PTK2: variants seen among roughly 807,000 people sequenced by gnomAD.
PTK2 encodes the protein protein tyrosine kinase 2.
Under a neutral mutation model 150.1 loss-of-function variants are expected in PTK2, and 45 were observed. The ratio of observed to expected loss-of-function variants is 0.30; its 90% CI spans 0.24 to 0.38. PTK2 has a LOEUF of 0.38. Among genes scored for constraint, PTK2 ranks in the 10% least tolerant of loss-of-function variants. The pLI, the probability that PTK2 is intolerant of heterozygous loss-of-function variation, is 1.00. For missense variants in PTK2, 919 were observed against 1,307.3 expected, an observed-to-expected ratio of 0.70 and a Z score of 4.58; for synonymous variants, 432 against 449.2, an observed-to-expected ratio of 0.96 and a Z score of 0.48.
chr8:140,890,217 C>T (rs1271160541), intron 3 of PTK2: 1 of 232,962 alleles, frequency 4.3e-6, no homozygotes, highest in East Asian at 9.7e-5. Flanking sequence ...TATTTCATGA[C>T]TGTTAGAGGC....
chr8:140,911,430 T>C (rs2100163118), intron 2 of PTK2, among the ~76,000 whole-genome samples: 1 of 152,154 alleles, frequency 6.6e-6, no homozygotes, highest in African/African-American at 2.4e-5. Flanking sequence ...GTTTAATGTT[T>C]TCTGCTGATG....
intron 28 of PTK2, 131 bp from the exon 32 acceptor site, chr8:140,674,535 T>C (rs2100012450): frequency 1.3e-6 from 1 of 742,478 alleles, no homozygotes; most frequent in Non-Finnish European, 2.3e-6. Context: ...AGGTCAGGAA[T>C]TCGAGATCAG....
intron 1 of PTK2, among the ~76,000 whole-genome samples, chr8:140,980,128 T>G (rs1028922539): frequency 1.3e-5 from 2 of 152,202 alleles, no homozygotes; most frequent in Non-Finnish European, 2.9e-5. Context: ...ATAAGAGTGT[T>G]CACATTTGTG....
At chr8:140,695,037 T>A (rs1039605395) in intron 26 of PTK2, among the ~76,000 whole-genome samples, 2 of 152,224 alleles carry the variant, frequency 1.3e-5, no homozygotes, top group African/African-American at 4.8e-5. Flanking sequence ...TCCTCTGGGC[T>A]CTATGCCCTA....
chr8:140,888,560 CTT>C (rs933629554), intron 3 of PTK2, among the ~76,000 whole-genome samples: 1 of 152,186 alleles, frequency 6.6e-6, no homozygotes, highest in Non-Finnish European at 1.5e-5. Flanking sequence ...GTTCTGATAA[CTT>C]ATACATTTGT....
At chr8:140,795,929 T>C (rs1237848985) in intron 12 of PTK2, among the ~76,000 whole-genome samples, 1 of 152,232 alleles carries the variant, frequency 6.6e-6, no homozygotes, top group Non-Finnish European at 1.5e-5. Flanking sequence ...TCAAGTTCTA[T>C]TTCCGGCAGA....
chr8:140,864,073 G>A (rs1413247421), intron 5 of PTK2, among the ~76,000 whole-genome samples: 1 of 152,148 alleles, frequency 6.6e-6, no homozygotes, highest in Non-Finnish European at 1.5e-5. Context: ...AGAAATGATT[G>A]TAGACCTACT....
chr8:140,663,164 C>T (rs2083277752), intron 31 of PTK2: 1 of 161,004 alleles, frequency 6.2e-6, no homozygotes, highest in South Asian at 2.0e-4. Context: ...AAATGGAAAT[C>T]TTAAAGGGGA....
chr8:140,723,906 G>C (rs1316991447), intron 22 of PTK2, among the ~76,000 whole-genome samples: 1 of 152,184 alleles, frequency 6.6e-6, no homozygotes, highest in African/African-American at 2.4e-5. Flanking sequence ...TCATTGAAGT[G>C]ATCAGTTCAC....
chr8:140,665,049 T>G (rs1034197424), intron 30 of PTK2, 52 bp from the exon 35 acceptor site: 2 of 1,481,118 alleles, frequency 1.4e-6, no homozygotes, highest in African/African-American at 1.4e-5. Context: ...AGGATTTTTA[T>G]GCTTTTCAGT....
chr8:140,907,956 G>A (rs189789948), intron 2 of PTK2, among the ~76,000 whole-genome samples: 2 of 152,136 alleles, frequency 1.3e-5, no homozygotes, highest in Admixed American at 6.5e-5. Flanking sequence ...CAAGTGAAAC[G>A]AACAGTCCCA....
At chr8:140,787,243 T>C (rs1352088681) in intron 14 of PTK2, among the ~76,000 whole-genome samples, 1 of 152,126 alleles carries the variant, frequency 6.6e-6, no homozygotes, top group African/African-American at 2.4e-5. Flanking sequence ...AGCCAGACAT[T>C]AGAGTTTGAA....
At chr8:140,973,935 A>G (rs1017224770) in intron 1 of PTK2, among the ~76,000 whole-genome samples, 1 of 152,208 alleles carries the variant, frequency 6.6e-6, no homozygotes, top group African/African-American at 2.4e-5. Context: ...TGCCTTTAAT[A>G]GAAGTCACAA....
chr8:140,850,357 C>T (rs561790047), intron 5 of PTK2, among the ~76,000 whole-genome samples: 5 of 151,884 alleles, frequency 3.3e-5, no homozygotes, highest in Admixed American at 6.6e-5. Context: ...ACCCAGGAGG[C>T]GGAGGTTGCA....
chr8:140,959,966 T>C (rs1324699238), intron 1 of PTK2, among the ~76,000 whole-genome samples: 1 of 150,710 alleles, frequency 6.6e-6, no homozygotes, highest in Non-Finnish European at 1.5e-5. Context: ...GCAATGAGCC[T>C]GGTCACACCA....
At chr8:140,774,820 C>G (rs1242869530) in intron 14 of PTK2, among the ~76,000 whole-genome samples, 1 of 152,230 alleles carries the variant, frequency 6.6e-6, no homozygotes, top group Non-Finnish European at 1.5e-5. Context: ...CTAAAAGACA[C>G]TCCCACCAAT....
chr8:140,932,598 G>A (rs1441794873), intron 1 of PTK2, among the ~76,000 whole-genome samples: 1 of 152,072 alleles, frequency 6.6e-6, no homozygotes, highest in Non-Finnish European at 1.5e-5. Flanking sequence ...TTTTTACACT[G>A]GACCAGCAAA....
intron 26 of PTK2, among the ~76,000 whole-genome samples, chr8:140,689,126 T>C (rs73714730): frequency 0.035 from 5,281 of 152,230 alleles, 291 homozygotes; most frequent in African/African-American, 0.12. Flanking sequence ...ACGTAATACA[T>C]TGATTCCAAC....
intron 7 of PTK2, among the ~76,000 whole-genome samples, chr8:140,833,327 A>G (rs2100116667): frequency 6.6e-6 from 1 of 151,680 alleles, no homozygotes; most frequent in Non-Finnish European, 1.5e-5. Flanking sequence ...ATGAGGCTCA[A>G]GTACACAAGG....
Sources: gnomAD v4.1 joint callset for allele counts (sites outside exome capture counted in the v4.1 genomes callset) on GRCh38, gnomAD v4.1.1 for gene constraint, MANE v1.5 for transcripts, NCBI Gene and HGNC (gene_info 2026-07-23, HGNC 2026-07-21) for gene names.